The following KIRREL1 variants were observed in gnomAD, a reference collection of about 807,000 sequenced individuals.
KIRREL1 encodes kin of IRRE-like protein 1.
In KIRREL1, 25 loss-of-function variants were observed where a neutral mutation model predicts 83.3. The observed-to-expected ratio is 0.30, with a 90% CI of 0.22 to 0.42. The LOEUF is 0.42. Among genes scored for constraint, KIRREL1 ranks in the 10% least tolerant of loss-of-function variants. KIRREL1 has a pLI of 1.00. For missense variants in KIRREL1, 812 were observed against 1,032.3 expected, an observed-to-expected ratio of 0.79 and a Z score of 2.92; for synonymous variants, 388 against 410.4, an observed-to-expected ratio of 0.95 and a Z score of 0.66.
chr1:158,075,198 A>C (rs1661642868), intron 1 of KIRREL1, among the ~76,000 whole-genome samples: 1 of 151,888 alleles, frequency 6.6e-6, no homozygotes, highest in African/African-American at 2.4e-5. Flanking sequence ...GGGAGAAAAA[A>C]CCCGCAATGC....
At chr1:158,033,071 G>A (rs532545442) in intron 1 of KIRREL1, among the ~76,000 whole-genome samples, 68 of 146,822 alleles carry the variant, frequency 4.6e-4, no homozygotes, top group African/African-American at 1.5e-3. Flanking sequence ...GCGCCCGGCC[G>A]GGATCCTCAC....
At chr1:158,085,639 G>C (rs1055676445) in intron 4 of KIRREL1, among the ~76,000 whole-genome samples, 2 of 152,220 alleles carry the variant, frequency 1.3e-5, no homozygotes, top group African/African-American at 4.8e-5. Flanking sequence ...AAGGGAGCCA[G>C]TGTTATTGCA....
intron 1 of KIRREL1, among the ~76,000 whole-genome samples, chr1:158,075,053 T>C (rs995377403): frequency 2.0e-5 from 3 of 152,066 alleles, no homozygotes; most frequent in Non-Finnish European, 4.4e-5. Context: ...CACTCCCTTG[T>C]CCCCCTTCTC....
At chr1:158,005,616 C>T (rs1041102523) in intron 1 of KIRREL1, among the ~76,000 whole-genome samples, 1 of 151,692 alleles carries the variant, frequency 6.6e-6, no homozygotes, top group Admixed American at 6.6e-5. Flanking sequence ...AGAATTTTGA[C>T]AGAGCTTCTG....
intron 1 of KIRREL1, among the ~76,000 whole-genome samples, chr1:158,045,314 C>T (rs1320097985): frequency 1.3e-5 from 2 of 152,204 alleles, no homozygotes; most frequent in Non-Finnish European, 2.9e-5. Flanking sequence ...TAGGTAAGGG[C>T]ACAGTCCCCA....
In KIRREL1 at chr1:158,098,838, G is replaced by C. The variant is rs1662420594; in HGVS notation, c.*3718G>C. ...GCAGGGCTACTTTCCTCTTCACTCT[G>C]ATGAGGGGAGCTTTATCTGCTTTCA... On this transcript the variant is annotated 3_prime_UTR_variant, in exon 15 of 15. Transcript: ENST00000359209. 1 of 152,248 alleles carries C rather than the reference G, an allele frequency of 6.6e-6. No individual in the cohort carries two copies. Among genetic ancestry groups the C allele is most frequent in the Non-Finnish European group, 1.5e-5 (1 of 68,042 alleles). 9.4% of individuals were successfully genotyped at this position (152,248 alleles called of 1,614,324 possible).
chr1:158,043,042 T>C (rs11264882), intron 1 of KIRREL1, among the ~76,000 whole-genome samples: 148,204 of 149,148 alleles, frequency 0.99, 73,638 homozygotes, highest in Middle Eastern at 1. Flanking sequence ...GAGCGGAGAT[T>C]GCACCACTGC....
At chr1:158,014,535 G>C (rs1278840444) in intron 1 of KIRREL1, among the ~76,000 whole-genome samples, 3 of 151,984 alleles carry the variant, frequency 2.0e-5, no homozygotes, top group Non-Finnish European at 4.4e-5. Flanking sequence ...GGATTTCAAA[G>C]CAGCAGCCAG....
intron 1 of KIRREL1, among the ~76,000 whole-genome samples, chr1:158,002,850 A>AC (rs1219563824): frequency 3.3e-5 from 5 of 152,010 alleles, no homozygotes; most frequent in Non-Finnish European, 7.4e-5. Flanking sequence ...CCCCGATTGT[A>AC]CCCCCTGCTC....
At chr1:158,026,599 T>A (rs1287898275) in intron 1 of KIRREL1, among the ~76,000 whole-genome samples, 2 of 152,202 alleles carry the variant, frequency 1.3e-5, no homozygotes, top group Non-Finnish European at 2.9e-5. Context: ...AGTTGCTTTA[T>A]TAGCTAACCA....
At chr1:158,057,587 G>C (rs1005097831) in intron 1 of KIRREL1, among the ~76,000 whole-genome samples, 3 of 152,070 alleles carry the variant, frequency 2.0e-5, no homozygotes, top group African/African-American at 7.2e-5. Flanking sequence ...TTCCAGGAAG[G>C]CCTCCTAGGA....
Position 158,093,431 on chromosome 1 carries a change from C to G in KIRREL1, c.1564C>G (p.Arg522Gly), listed in dbSNP as rs751855855. 6.2e-7 allele frequency: 1 copy of G among 1,614,144 alleles called. No homozygotes were observed. The highest frequency in any genetic ancestry group is 8.5e-7 in the Non-Finnish European group (1 of 1,179,996). ...CATCGCCTTGGTATTCTTCCTCTAC[C>G]GGCGCCGCAAAGGCAGTGAGTATGG... ...FFIALVFFLYRRRKGSRKDVT... is the reference protein window; with the variant it reads ...FFIALVFFLYGRRKGSRKDVT... Residue 522 changes from arginine to glycine, a missense_variant, in exon 12 of 15, where the codon CGG becomes GGG. By Grantham distance (125) the Arg-to-Gly change is moderately radical. Coordinates refer to ENST00000359209, the MANE Select transcript of KIRREL1 (RefSeq NM_018240.7).
chr1:158,013,862 C>CT (rs1011701985), intron 1 of KIRREL1, among the ~76,000 whole-genome samples: 7 of 152,150 alleles, frequency 4.6e-5, no homozygotes, highest in Non-Finnish European at 1.0e-4. Context: ...ACTTAAGGAG[C>CT]TTACTGTCCA....
Position 158,029,369 on chromosome 1 carries a change from A to ATGTGTGTGTGTGTGTGTGTGTGTG in KIRREL1, c.52+35641_52+35642insTGTGTGTGTGTGTGTGTGTGTGTG, listed in dbSNP as rs1218198001. Among the ~76,000 whole-genome samples the ATGTGTGTGTGTGTGTGTGTGTGTG allele has an allele frequency of 4.5e-3, 651 of 145,174 alleles. 8 individuals carry two copies. The highest frequency in any genetic ancestry group is 4.7e-3 in the Non-Finnish European group (311 of 66,462). On this transcript the variant is annotated intron_variant, in intron 1 of 14. Transcript: ENST00000359209. ...TGTGTGTGTGTGTGTGTGTGTGTGC[A>ATGTGTGTGTGTGTGTGTGTGTGTG]CGTGCGCGCGCATGCACACATGCAT...
chr1:158,071,848 C>CACTTGCTAG (rs1201228105), intron 1 of KIRREL1, among the ~76,000 whole-genome samples: 86 of 152,242 alleles, frequency 5.6e-4, no homozygotes, highest in African/African-American at 2.0e-3. Flanking sequence ...GTGCCTAGGA[C>CACTTGCTAG]ACTTGCTAGG....
At chr1:158,092,549 G>A (rs183781061) in intron 11 of KIRREL1, among the ~76,000 whole-genome samples, 90 of 152,046 alleles carry the variant, frequency 5.9e-4, no homozygotes, top group Middle Eastern at 3.4e-3. Context: ...GGTTTTCACC[G>A]TGTTAGCCAA....
chr1:158,047,296 G>T (rs1660802123), intron 1 of KIRREL1, among the ~76,000 whole-genome samples: 1 of 152,156 alleles, frequency 6.6e-6, no homozygotes, highest in Admixed American at 6.5e-5. Flanking sequence ...GCCCTTTCTG[G>T]CTAATGGAAG....
chr1:158,055,785 TA>T (rs1375767484), intron 1 of KIRREL1, among the ~76,000 whole-genome samples: 3 of 152,234 alleles, frequency 2.0e-5, no homozygotes, highest in African/African-American at 7.2e-5. Context: ...GATAAGGTTT[TA>T]ATTGAAAATC....
rs569520600 is a variant in KIRREL1 at position 158,021,096 on chromosome 1, G to A, written c.52+27368G>A. Among the ~76,000 whole-genome samples the A allele has an allele frequency of 2.0e-5, 3 of 152,244 alleles. No individual in the cohort carries two copies. The South Asian group carries it at 6.2e-4, about 32-fold the overall frequency. ...CAGCAGCAACCTAAAAATGGCCAAT[G>A]TGGGCTGGCATTGAGGAAGTATCTC... is the stretch of plus-strand genomic sequence containing the variant. On this transcript the variant is annotated intron_variant, in intron 1 of 14. Coordinates refer to ENST00000359209, the MANE Select transcript of KIRREL1 (RefSeq NM_018240.7).
Sources: gnomAD v4.1 joint callset for allele counts (sites outside exome capture counted in the v4.1 genomes callset) on GRCh38, gnomAD v4.1.1 for gene constraint, MANE v1.5 for transcripts, NCBI Gene and HGNC (gene_info 2026-07-23, HGNC 2026-07-21) for gene names.